The following COX8A variants were observed in gnomAD, a reference collection of about 807,000 sequenced individuals.
COX8A encodes the protein cytochrome c oxidase subunit 8A, mitochondrial.
A neutral mutation model predicts 4.4 loss-of-function variants in COX8A; 6 were observed. The ratio of observed to expected loss-of-function variants is 1.36; its 90% CI spans 0.74 to 2.68. The LOEUF (loss-of-function observed/expected upper bound fraction) is 2.68. Ranked by LOEUF, COX8A falls within the 30% of genes most tolerant of loss-of-function variation. The pLI is 0.00. For missense variants in COX8A, 72 were observed against 89.6 expected, an observed-to-expected ratio of 0.80 and a Z score of 0.79; for synonymous variants, 53 against 47.1, an observed-to-expected ratio of 1.12 and a Z score of -0.51.
At chr11:63,974,899 G>T in intron 1 of COX8A, 105 bp downstream of exon 1, 1 of 1,104,944 alleles carries the variant, frequency 9.1e-7, no homozygotes. Context: ...GCAGCGTAGC[G>T]GGGAGCAGCA....
At chr11:63,976,177 T>C (rs778077401) in intron 1 of COX8A, 48 bp from the exon 2 acceptor site, 1 of 1,555,996 alleles carries the variant, frequency 6.4e-7, no homozygotes, top group Non-Finnish European at 8.9e-7. Context: ...TTAGAGAGCC[T>C]AGGGGAATAC....
intron 1 of COX8A, among the ~76,000 whole-genome samples, 173 bp from the exon 2 acceptor site, chr11:63,976,039 GCTTTGGACCTGCT>G (rs1942537302): frequency 6.6e-6 from 1 of 152,118 alleles, no homozygotes; most frequent in South Asian, 2.1e-4. Context: ...GGTTAGCGTA[GCTTTGGACCTGCT>G]CTGTCTGCTC....
Position 63,976,285 on chromosome 11 carries a change from C to T in COX8A, c.175C>T (p.Leu59=). 1 of 1,614,220 alleles carries T rather than the reference C, an allele frequency of 6.2e-7. No individual in the cohort carries two copies. Among genetic ancestry groups the T allele is most frequent in the Middle Eastern group, 1.7e-4 (1 of 6,060 alleles). The part of the protein sequence containing the change: ...VTFLLPAGWI[L]SHLETYRRPE ...CTTCCTCCTGCCAGCGGGCTGGATC[C>T]TGTCACACCTGGAGACCTACAGGAG... Residue 59 remains leucine, a synonymous_variant, in exon 2 of 2, where the codon CTG becomes TTG. Coordinates refer to ENST00000314133, the MANE Select transcript of COX8A (RefSeq NM_004074.3).
intron 1 of COX8A, among the ~76,000 whole-genome samples, chr11:63,975,476 C>T: frequency 6.6e-6 from 1 of 152,160 alleles, no homozygotes; most frequent in East Asian, 1.9e-4. Flanking sequence ...TGCGCCCGGC[C>T]TGGGAGGGGG....
rs762976394 is a variant in COX8A, at chr11:63,976,297, G to T, written c.187G>T (p.Glu63Ter). 1.2e-6 allele frequency: 2 copies of T among 1,614,180 alleles called. No individual in the cohort carries two copies. Among genetic ancestry groups the T allele is most frequent in the Non-Finnish European group, 1.7e-6 (2 of 1,180,034 alleles). ...AGCGGGCTGGATCCTGTCACACCTG[G>T]AGACCTACAGGAGGCCAGAGTGAAG... ...LPAGWILSHL[E>*]TYRRPE is the part of the protein sequence containing the mutation. The change falls in exon 2 of 2, where the codon GAG becomes TAG. Residue 63 changes from glutamate to a stop codon, truncating the protein, a stop_gained. Coordinates refer to ENST00000314133, the MANE Select transcript of COX8A (RefSeq NM_004074.3). LOFTEE classifies it high-confidence loss of function.
intron 1 of COX8A, 110 bp downstream of exon 1, chr11:63,974,904 G>A (rs1261530480): frequency 1.9e-6 from 2 of 1,036,816 alleles, no homozygotes; most frequent in East Asian, 5.5e-5. Flanking sequence ...GTAGCGGGGA[G>A]CAGCAGTGCC....
intron 1 of COX8A, among the ~76,000 whole-genome samples, chr11:63,975,765 A>G (rs1032379886): frequency 6.6e-6 from 1 of 151,754 alleles, no homozygotes; most frequent in Non-Finnish European, 1.5e-5. Flanking sequence ...TATTTTTAGT[A>G]GAGACGGGGT....
Position 63,974,805 on chromosome 11 carries a change from G to T in COX8A, c.114+11G>T. On this transcript the variant is annotated intron_variant, in intron 1 of 1. Coordinates refer to ENST00000314133, the MANE Select transcript of COX8A (RefSeq NM_004074.3). ...AAGCTTGGGATCATGGTGAGGAACG[G>T]GCCTGGAAGAGCGCGGGAGGCGCCG... The T allele has an allele frequency of 6.3e-7, 1 of 1,587,972 alleles. No homozygotes were observed. Among genetic ancestry groups the T allele is most frequent in the Non-Finnish European group, 8.6e-7 (1 of 1,166,896 alleles).
chr11:63,975,567 C>CT (rs1299226049), intron 1 of COX8A, among the ~76,000 whole-genome samples: 5 of 151,002 alleles, frequency 3.3e-5, no homozygotes, highest in Admixed American at 1.3e-4. Flanking sequence ...ACAGGCTTTG[C>CT]TTTTTTTGTT....
intron 1 of COX8A, 79 bp from the exon 2 acceptor site, chr11:63,976,146 C>G: frequency 7.2e-7 from 1 of 1,381,586 alleles, no homozygotes; most frequent in Non-Finnish European, 1.0e-6. Flanking sequence ...GGGCTTTCTG[C>G]TGCCTGGGAA....
chr11:63,976,289 C>G lies in COX8A; in HGVS notation c.179C>G (p.Ser60Ter). The G allele has an allele frequency of 6.2e-7, 1 of 1,614,184 alleles. No homozygotes were observed. The highest frequency in any genetic ancestry group is 8.5e-7 in the Non-Finnish European group (1 of 1,180,026). Residue 60 changes from serine (S) to a stop codon, truncating the protein, a stop_gained, in exon 2 of 2, where the codon TCA becomes TGA. Coordinates refer to ENST00000314133, the MANE Select transcript of COX8A (RefSeq NM_004074.3). LOFTEE classifies it high-confidence loss of function. ...CTCCTGCCAGCGGGCTGGATCCTGT[C>G]ACACCTGGAGACCTACAGGAGGCCA... ...TFLLPAGWIL[S>*]HLETYRRPE
At position 63,976,218 on chromosome 11, in the gene COX8A, T is replaced by G; in HGVS notation, c.115-7T>G. The stretch of plus-strand genomic sequence containing the variant: ...CCGAGGTGCCTTCTTTCTTGTGCTC[T>G]GTGTAGGAATTGGCCGTTGGGCTTA... On this transcript the variant is annotated splice_region_variant and splice_polypyrimidine_tract_variant and intron_variant, in intron 1 of 1. Coordinates refer to ENST00000314133, the MANE Select transcript of COX8A (RefSeq NM_004074.3). 6.2e-7 allele frequency: 1 copy of G among 1,613,936 alleles called. No individual in the cohort carries two copies.
rs1163739348 is a variant in COX8A, at chr11:63,974,793, T to C, written c.113T>C (p.Met38Thr). Residue 38 changes from methionine to threonine, a missense_variant and splice_region_variant, in exon 1 of 2, where the codon ATG becomes ACG. By Grantham distance (81) the Met-to-Thr change is moderately conservative. Coordinates refer to ENST00000314133, the MANE Select transcript of COX8A (RefSeq NM_004074.3). ...SLPPEGKLGI[M>T]ELAVGLTSCF... ...CCGCCGGAGGGGAAGCTTGGGATCA[T>C]GGTGAGGAACGGGCCTGGAAGAGCG... 8 of 1,600,876 alleles carry C rather than the reference T, an allele frequency of 5.0e-6. No individual in the cohort carries two copies. Among genetic ancestry groups the C allele is most frequent in the Non-Finnish European group, 6.8e-6 (8 of 1,173,468 alleles).
At chr11:63,975,341 A>T (rs1590771523) in intron 1 of COX8A, among the ~76,000 whole-genome samples, 3 of 150,680 alleles carry the variant, frequency 2.0e-5, no homozygotes, top group Admixed American at 6.6e-5. Flanking sequence ...ACCATGCCCA[A>T]CTAAATTTTG....
rs1565181159 is a variant in COX8A at position 63,976,266 on chromosome 11, C to CAGAAAAG, written c.156_157insAGAAAAG (p.Leu53ArgfsTer30). On this transcript the variant is annotated frameshift_variant, in exon 2 of 2. Transcript: ENST00000314133. LOFTEE classifies it high-confidence loss of function. ...TTACCTCCTGCTTCGTGACCTTCCT[C>CAGAAAAG]CTGCCAGCGGGCTGGATCCTGTCAC... The CAGAAAAG allele has an allele frequency of 6.2e-7, 1 of 1,614,090 alleles. No individual in the cohort carries two copies. Among genetic ancestry groups the CAGAAAAG allele is most frequent in the African/African-American group, 1.3e-5 (1 of 74,926 alleles).
intron 1 of COX8A, 34 bp from the exon 2 acceptor site, chr11:63,976,191 C>T (rs909818554): frequency 4.4e-6 from 7 of 1,592,560 alleles, no homozygotes; most frequent in Non-Finnish European, 6.0e-6. Context: ...GGAATACTGA[C>T]TCCGAGGTGC....
intron 1 of COX8A, among the ~76,000 whole-genome samples, chr11:63,975,574 T>G (rs1044832816): frequency 1.3e-5 from 2 of 151,730 alleles, no homozygotes; most frequent in African/African-American, 4.8e-5. Flanking sequence ...TTGCTTTTTT[T>G]GTTTGTTGTT....
At chr11:63,974,944 A>G in intron 1 of COX8A, 150 bp downstream of exon 1, 1 of 697,136 alleles carries the variant, frequency 1.4e-6, no homozygotes, top group South Asian at 2.0e-5. Context: ...GGCGCGAACG[A>G]CGGGGACAGT....
intron 1 of COX8A, among the ~76,000 whole-genome samples, chr11:63,975,827 G>T (rs564097942): frequency 6.6e-6 from 1 of 152,202 alleles, no homozygotes; most frequent in African/African-American, 2.4e-5. Context: ...TGATCCGCCC[G>T]CCTTGGCCTC....
Sources: gnomAD v4.1 joint callset for allele counts (sites outside exome capture counted in the v4.1 genomes callset) on GRCh38, gnomAD v4.1.1 for gene constraint, MANE v1.5 for transcripts, NCBI Gene and HGNC (gene_info 2026-07-23, HGNC 2026-07-21) for gene names.